The following MRPL49 variants were observed in gnomAD, a reference collection of about 807,000 sequenced individuals.
MRPL49 encodes mitochondrial ribosomal protein L49.
MRPL49 carries 14 observed loss-of-function variants against 18.4 expected under a neutral mutation model. That is an observed-to-expected ratio of 0.76 (90% CI 0.50 to 1.19). MRPL49 has a LOEUF of 1.19. MRPL49 is among the 50% of genes most tolerant of loss of function. MRPL49 has a pLI of 0.00. For synonymous variants in MRPL49, 104 were observed against 86.2 expected (o/e 1.21, Z -1.14); for missense variants, 190 against 217.8 (o/e 0.87, Z 0.80).
Position 65,125,589 on chromosome 11 carries a change from C to T in MRPL49, c.331C>T (p.Arg111Trp), listed in dbSNP as rs1360383550. The T allele has an allele frequency of 1.9e-5, 29 of 1,535,252 alleles. No homozygotes were observed. Among genetic ancestry groups the T allele is most frequent in the South Asian group, 2.2e-5 (2 of 89,158 alleles). Residue 111 changes from arginine (R) to tryptophan (W), a missense_variant, in exon 3 of 4, where the codon CGG becomes TGG. Transcript: ENST00000279242. ...THGNRQMTVI[R>W]KVEGDIWALQ... ...TGGCAACCGGCAGATGACTGTGATC[C>T]GGAAAGTGGAAGGGGACATCTGGGT...
At chr11:65,122,616 A>AC in intron 1 of MRPL49, 192 bp downstream of exon 1, 2 of 593,354 alleles carry the variant, frequency 3.4e-6, no homozygotes, top group Non-Finnish European at 6.0e-6. Flanking sequence ...CTTTGGGAGC[A>AC]CTTAACACAG....
rs1396091090 is a variant in MRPL49, at chr11:65,125,803, A to G, written c.432A>G (p.Thr144=). Residue 144 remains threonine, a synonymous_variant, in exon 4 of 4, where the codon ACA becomes ACG. Transcript: ENST00000279242. ...CTGTCACCCAGGTCAATGAGGTGACAGGTACCCTACGGATCAAGGGCTACT... is the reference window on the plus strand; with the variant it reads ...CTGTCACCCAGGTCAATGAGGTGACGGGTACCCTACGGATCAAGGGCTACT... The part of the protein sequence containing the change: ...KTPVTQVNEV[T]GTLRIKGYFD... 4 of 1,613,172 alleles carry G rather than the reference A, an allele frequency of 2.5e-6. No individual in the cohort carries two copies. Among genetic ancestry groups the G allele is most frequent in the Admixed American group, 1.7e-5 (1 of 60,018 alleles).
chr11:65,124,139 C>A (rs534358541), intron 1 of MRPL49, among the ~76,000 whole-genome samples: 7 of 152,340 alleles, frequency 4.6e-5, no homozygotes, highest in African/African-American at 1.4e-4. Flanking sequence ...CCTCCTGCCT[C>A]AGCCTCCAAG....
rs532801612 is a variant in MRPL49, at chr11:65,127,019, A to G, written c.*1147A>G. On this transcript the variant is annotated 3_prime_UTR_variant, in exon 4 of 4. Coordinates refer to ENST00000279242, the MANE Select transcript of MRPL49 (RefSeq NM_004927.4). ...GGCCTGAGACCCCACCCTGCCCCCA[A>G]ACTGGCTAAGACAGCTTTCAGTTCC... 5 of 701,466 alleles carry G rather than the reference A, an allele frequency of 7.1e-6. No homozygotes were observed. The Admixed American group carries it at 8.0e-5, about 11-fold the overall frequency. The allele number at this position is 701,466 out of a possible 1,614,324, so 43.5% of individuals were successfully genotyped here. A position where few individuals can be genotyped will look rare whatever the true frequency, so the allele number is the denominator to read the frequency against.
rs1428648833 is a variant in MRPL49, at chr11:65,126,367, C to G, written c.*495C>G. ...CCAGGCTGGTCTCAAACTCCTGACT[C>G]GAAGTGATCCGCCCACCTTGGCCTC... On this transcript the variant is annotated 3_prime_UTR_variant, in exon 4 of 4. Transcript: ENST00000279242. 6.5e-6 allele frequency: 1 copy of G among 153,678 alleles called. No homozygotes were observed. The highest frequency in any genetic ancestry group is 1.4e-5 in the Non-Finnish European group (1 of 69,088). The allele number at this position is 153,678 out of a possible 1,614,324, so 9.5% of individuals were successfully genotyped here. A position where few individuals can be genotyped will look rare whatever the true frequency, so the allele number is the denominator to read the frequency against.
At chr11:65,122,449 A>C in intron 1 of MRPL49, 25 bp downstream of exon 1, 1 of 1,602,152 alleles carries the variant, frequency 6.2e-7, no homozygotes, top group Non-Finnish European at 8.5e-7. Context: ...CGAGGAGCTG[A>C]GGGCATCGCG....
chr11:65,124,841 C>T (rs1416273479), intron 2 of MRPL49, 189 bp downstream of exon 2: 18 of 584,842 alleles, frequency 3.1e-5, no homozygotes, highest in Non-Finnish European at 5.0e-5. Context: ...TTCACTGGTA[C>T]TCATCCATCC....
In MRPL49 at chr11:65,124,462, G is replaced by A. The variant is rs930045370; in HGVS notation, c.79-40G>A. On this transcript the variant is annotated intron_variant, in intron 1 of 3. Coordinates refer to ENST00000279242, the MANE Select transcript of MRPL49 (RefSeq NM_004927.4). ...ACTGAAGTTATGCCATCCTGTGTTG[G>A]GTAGGCTAATGGAGAAATGGGATTT... The A allele has an allele frequency of 3.1e-6, 5 of 1,599,444 alleles. No individual in the cohort carries two copies. The African/African-American group carries it at 5.4e-5, about 17-fold the overall frequency.
rs1389506704 is a variant in MRPL49, at chr11:65,127,085, A to G, written c.*1213A>G. ...GTCTCTGCCCTGAAGCAGGGCACTG[A>G]ACTCTGGGCTGCTTCTCTGTGTGTA... On this transcript the variant is annotated 3_prime_UTR_variant, in exon 4 of 4. Transcript: ENST00000279242. The G allele has an allele frequency of 4.3e-6, 3 of 701,264 alleles. No homozygotes were observed. Among genetic ancestry groups the G allele is most frequent in the Non-Finnish European group, 7.8e-6 (3 of 384,506 alleles). The allele number at this position is 701,264 out of a possible 1,614,324, so 43.4% of individuals were successfully genotyped here.
chr11:65,123,540 G>C (rs1300549221), intron 1 of MRPL49, among the ~76,000 whole-genome samples: 1 of 152,164 alleles, frequency 6.6e-6, no homozygotes, highest in Admixed American at 6.5e-5. Context: ...TTTGAGACAA[G>C]CCTGGCCAAC....
Position 65,126,832 on chromosome 11 carries a change from C to T in MRPL49, c.*960C>T, listed in dbSNP as rs1948107276. ...CCACAAGGGAGTGGCTGGGAACTCA[C>T]AGCCAGCATAGGGACATCCCCCTGC... On this transcript the variant is annotated 3_prime_UTR_variant, in exon 4 of 4. Transcript: ENST00000279242. The T allele has an allele frequency of 5.3e-6, 3 of 565,794 alleles. No homozygotes were observed. The highest frequency in any genetic ancestry group is 9.4e-6 in the Non-Finnish European group (3 of 319,808). The allele number at this position is 565,794 out of a possible 1,614,324, so 35.0% of individuals were successfully genotyped here. A position where few individuals can be genotyped will look rare whatever the true frequency, so the allele number is the denominator to read the frequency against.
At position 65,125,813 on chromosome 11, in the gene MRPL49, C is replaced by T. The variant is rs753409417; in HGVS notation, c.442C>T (p.Arg148Trp). The change falls in exon 4 of 4, where the codon CGG (arginine) becomes TGG (tryptophan). Residue 148 changes from arginine (R) to tryptophan (W), a missense_variant. Physicochemically the swap from Arg to Trp is moderately radical, Grantham distance 101. Coordinates refer to ENST00000279242, the MANE Select transcript of MRPL49 (RefSeq NM_004927.4). ...GGTCAATGAGGTGACAGGTACCCTA[C>T]GGATCAAGGGCTACTTTGACCAGGA... Reference protein sequence around the residue: ...TQVNEVTGTLRIKGYFDQELK... With the variant: ...TQVNEVTGTLWIKGYFDQELK... 12 of 1,612,488 alleles carry T rather than the reference C, an allele frequency of 7.4e-6. No homozygotes were observed. The African/African-American group carries it at 8.0e-5, about 11-fold the overall frequency.
rs1948097334 is a variant in MRPL49, at chr11:65,125,970, G to T, written c.*98G>T. On this transcript the variant is annotated 3_prime_UTR_variant, in exon 4 of 4. Coordinates refer to ENST00000279242, the MANE Select transcript of MRPL49 (RefSeq NM_004927.4). The stretch of plus-strand genomic sequence containing the variant: ...GGGTGTTGGAGCCCCTGAGACAGGG[G>T]ATACAGAAACTAGGGCTAAAGGACT... 6 of 1,435,668 alleles carry T rather than the reference G, an allele frequency of 4.2e-6. No homozygotes were observed. The highest frequency in any genetic ancestry group is 5.2e-4 in the Middle Eastern group (2 of 3,844). The allele number at this position is 1,435,668 out of a possible 1,614,324, so 88.9% of individuals were successfully genotyped here.
At position 65,126,757 on chromosome 11, in the gene MRPL49, AG is replaced by A. The variant is rs1231241820; in HGVS notation, c.*887del. 1.8e-5 allele frequency: 9 copies of A among 503,476 alleles called. No individual in the cohort carries two copies. Among genetic ancestry groups the A allele is most frequent in the Non-Finnish European group, 3.2e-5 (9 of 284,544 alleles). 31.2% of individuals were successfully genotyped at this position (503,476 alleles called of 1,614,324 possible). A position where few individuals can be genotyped will look rare whatever the true frequency, so the allele number is the denominator to read the frequency against. On this transcript the variant is annotated 3_prime_UTR_variant, in exon 4 of 4. Coordinates refer to ENST00000279242, the MANE Select transcript of MRPL49 (RefSeq NM_004927.4). ...CCCCGGGCTCTGATAGAGAGGTAGGAGGCACGTTCTTGGTCACTGTTCCATT... is the reference window on the plus strand; with the variant it reads ...CCCCGGGCTCTGATAGAGAGGTAGGAGCACGTTCTTGGTCACTGTTCCATT...
At chr11:65,122,599 G>C in intron 1 of MRPL49, 175 bp downstream of exon 1, 1 of 622,922 alleles carries the variant, frequency 1.6e-6, no homozygotes, top group Non-Finnish European at 2.8e-6. Flanking sequence ...TGGTAGACTG[G>C]GGTGCTCTTT....
chr11:65,126,973 C>T lies in MRPL49; in HGVS notation c.*1101C>T. The T allele has an allele frequency of 2.9e-6, 2 of 679,328 alleles. No individual in the cohort carries two copies. Among genetic ancestry groups the T allele is most frequent in the Non-Finnish European group, 2.7e-6 (1 of 374,242 alleles). 42.1% of individuals were successfully genotyped at this position (679,328 alleles called of 1,614,324 possible). A position where few individuals can be genotyped will look rare whatever the true frequency, so the allele number is the denominator to read the frequency against. ...CACTAGCCTTCATATATGCCTTATA[C>T]TTGGAGTCACAGGGGCCAAAGGCCT... On this transcript the variant is annotated 3_prime_UTR_variant, in exon 4 of 4. Transcript: ENST00000279242.
intron 2 of MRPL49, chr11:65,124,898 A>C (rs1157044795): frequency 4.7e-6 from 2 of 422,570 alleles, no homozygotes; most frequent in Admixed American, 4.1e-5. Flanking sequence ...AGTAAACAAC[A>C]GAGAGAAAAC....
At position 65,126,797 on chromosome 11, in the gene MRPL49, G is replaced by A; in HGVS notation, c.*925G>A. The A allele has an allele frequency of 1.8e-6, 1 of 553,918 alleles. No individual in the cohort carries two copies. Among genetic ancestry groups the A allele is most frequent in the Non-Finnish European group, 3.2e-6 (1 of 313,272 alleles). The allele number at this position is 553,918 out of a possible 1,614,324, so 34.3% of individuals were successfully genotyped here. ...CACTGTTCCATTGCAGACCAGACTT[G>A]CTGGCCTGACCACAAGGGAGTGGCT... On this transcript the variant is annotated 3_prime_UTR_variant, in exon 4 of 4. Transcript: ENST00000279242.
rs774071487 is a variant in MRPL49 at position 65,125,882 on chromosome 11, G to T, written c.*10G>T. The T allele has an allele frequency of 1.9e-6, 3 of 1,599,198 alleles. No homozygotes were observed. The highest frequency in any genetic ancestry group is 2.2e-5 in the South Asian group (2 of 90,212). On this transcript the variant is annotated 3_prime_UTR_variant, in exon 4 of 4. Transcript: ENST00000279242. The stretch of plus-strand genomic sequence containing the variant: ...GGAGAAAGGCTTCTGAGGCCCAGCC[G>T]AGCAGCCTGCTTGTCAGCATGCCCT...
Sources: allele counts gnomAD v4.1 joint callset (sites outside exome capture counted in the v4.1 genomes callset), GRCh38; gene constraint gnomAD v4.1.1; transcripts MANE v1.5; gene names NCBI Gene and HGNC (gene_info 2026-07-23, HGNC 2026-07-21).